SPATC1: variants seen among roughly 807,000 people sequenced by gnomAD.
The protein encoded by SPATC1 is spermatogenesis and centriole associated 1.
A neutral mutation model predicts 36.5 loss-of-function variants in SPATC1; 35 were observed. The observed-to-expected ratio is 0.96, with a 90% CI of 0.73 to 1.27. SPATC1 has a LOEUF of 1.27. Ranked by LOEUF, SPATC1 falls within the 50% of genes most tolerant of loss-of-function variation. SPATC1 has a pLI of 0.00. For missense variants in SPATC1, 779 were observed against 796.0 expected, an observed-to-expected ratio of 0.98 and a Z score of 0.26; for synonymous variants, 361 against 353.6, an observed-to-expected ratio of 1.02 and a Z score of -0.24.
rs1271171635 is a variant in SPATC1, at chr8:144,012,880, C to T, written c.211+154C>T. 3.7e-6 allele frequency: 3 copies of T among 806,310 alleles called. No homozygotes were observed. The East Asian group carries it at 8.0e-5, about 22-fold the overall frequency. The allele number at this position is 806,310 out of a possible 1,614,324, so 49.9% of individuals were successfully genotyped here. On this transcript the variant is annotated intron_variant, in intron 1 of 4. Coordinates refer to ENST00000377470, the MANE Select transcript of SPATC1 (RefSeq NM_198572.3). ...CACACTCAGCTCACCAGACAATGTGCTTCCTGTCCTGGAGGAGGCTGCATT... is the reference window on the plus strand; with the variant it reads ...CACACTCAGCTCACCAGACAATGTGTTTCCTGTCCTGGAGGAGGCTGCATT...
chr8:144,036,826 G>A (rs1004123142), intron 1 of SPATC1, among the ~76,000 whole-genome samples: 3 of 151,876 alleles, frequency 2.0e-5, no homozygotes, highest in Non-Finnish European at 4.4e-5. Flanking sequence ...TTGTCATCAG[G>A]GAACACGGGA....
At chr8:144,012,877 G>A (rs2133090795) in intron 1 of SPATC1, 151 bp downstream of exon 1, 2 of 816,370 alleles carry the variant, frequency 2.4e-6, no homozygotes, top group East Asian at 2.7e-5. Context: ...ACCAGACAAT[G>A]TGCTTCCTGT....
rs782224940 is a variant in SPATC1 at position 144,039,924 on chromosome 8, C to T, written c.227C>T (p.Pro76Leu). 8 of 1,613,380 alleles carry T rather than the reference C, an allele frequency of 5.0e-6. No individual in the cohort carries two copies. The highest frequency in any genetic ancestry group is 2.2e-5 in the East Asian group (1 of 44,878). ...SRQNNGVFLPPSPAVANERVL... is the reference protein window; with the variant it reads ...SRQNNGVFLPLSPAVANERVL... ...GTGTTCCCAGGTGTCTTCCTGCCCC[C>T]GTCCCCAGCAGTGGCAAACGAACGA... The change falls in exon 2 of 5, where the codon CCG becomes CTG. Residue 76 changes from proline to leucine, a missense_variant. Pro to Leu is a moderately conservative substitution (Grantham distance 98). Transcript: ENST00000377470.
intron 4 of SPATC1, among the ~76,000 whole-genome samples, chr8:144,044,305 T>C (rs1274361487): frequency 6.1e-5 from 2 of 32,798 alleles, no homozygotes; most frequent in Non-Finnish European, 9.7e-5. Context: ...CTTGAAGGAA[T>C]TTTTTTTTTT....
Position 144,040,452 on chromosome 8 carries a change from C to A in SPATC1, c.755C>A (p.Ala252Asp), listed in dbSNP as rs1554755669. ...PQSPACVVPT[A>D]TTKVPLSTEP... ...TCCCCAGCTTGCGTGGTACCCACTG[C>A]CACCACCAAAGGTAACAGGTGTGGT... The change falls in exon 2 of 5, where the codon GCC becomes GAC. Residue 252 changes from alanine (A) to aspartate (D), a missense_variant. Coordinates refer to ENST00000377470, the MANE Select transcript of SPATC1 (RefSeq NM_198572.3). 6.9e-6 allele frequency: 11 copies of A among 1,598,022 alleles called. No homozygotes were observed. The highest frequency in any genetic ancestry group is 9.4e-6 in the Non-Finnish European group (11 of 1,172,488).
chr8:144,026,910 T>C (rs1834690634), intron 1 of SPATC1, among the ~76,000 whole-genome samples: 1 of 150,516 alleles, frequency 6.6e-6, no homozygotes, highest in Non-Finnish European at 1.5e-5. Context: ...CCTAGGTTCA[T>C]GCCATTCTCC....
Position 144,035,784 on chromosome 8 carries a change from C to T in SPATC1, c.212-4125C>T, listed in dbSNP as rs974764744. Among the ~76,000 whole-genome samples the T allele has an allele frequency of 7.2e-5, 11 of 152,348 alleles. 1 individual carries two copies. The South Asian group carries it at 2.1e-3, about 29-fold the overall frequency. On this transcript the variant is annotated intron_variant, in intron 1 of 4. Coordinates refer to ENST00000377470, the MANE Select transcript of SPATC1 (RefSeq NM_198572.3). ...TGGCTGCTTCAAACATTAGGACCAC[C>T]GGCGCTCCTTAGGCTGCCCTGGCTG...
At chr8:144,031,447 T>C (rs1303037065) in intron 1 of SPATC1, among the ~76,000 whole-genome samples, 4 of 50,480 alleles carry the variant, frequency 7.9e-5, no homozygotes, top group Non-Finnish European at 1.2e-4. Flanking sequence ...AAGATTTTTT[T>C]TTCTTTTTTT....
chr8:144,031,866 G>A (rs1834804324), intron 1 of SPATC1, among the ~76,000 whole-genome samples: 1 of 151,418 alleles, frequency 6.6e-6, no homozygotes. Flanking sequence ...CCACAGGCAT[G>A]TGCCATCACA....
chr8:144,041,427 T>C, intron 4 of SPATC1, 56 bp downstream of exon 4: 1 of 1,584,430 alleles, frequency 6.3e-7, no homozygotes, highest in Non-Finnish European at 8.5e-7. Flanking sequence ...TGAGGGGCCG[T>C]GGGGACCCTG....
At chr8:144,022,723 A>ATCTCTCCCCTC (rs1348424322) in intron 1 of SPATC1, among the ~76,000 whole-genome samples, 1 of 130,760 alleles carries the variant, frequency 7.6e-6, no homozygotes, top group Non-Finnish European at 1.7e-5. Flanking sequence ...TCCCTGAGGA[A>ATCTCTCCCCTC]ACTCTCCCCT....
At chr8:144,042,338 A>C (rs1554756247) in intron 4 of SPATC1, among the ~76,000 whole-genome samples, 1 of 23,972 alleles carries the variant, frequency 4.2e-5, no homozygotes, top group South Asian at 1.6e-3. Context: ...TTTTTTTTTG[A>C]GTTGGTGTTT....
At chr8:144,026,656 G>A (rs963418345) in intron 1 of SPATC1, among the ~76,000 whole-genome samples, 2 of 152,164 alleles carry the variant, frequency 1.3e-5, no homozygotes, top group African/African-American at 4.8e-5. Flanking sequence ...TAGTGGGTGT[G>A]AAGTGATATT....
intron 1 of SPATC1, among the ~76,000 whole-genome samples, chr8:144,039,075 TC>T (rs1834989944): frequency 6.6e-6 from 1 of 152,214 alleles, no homozygotes; most frequent in South Asian, 2.1e-4. Context: ...GTATTTCCAT[TC>T]TTTCTCTATA....
chr8:144,021,315 A>G (rs1424148687), intron 1 of SPATC1, among the ~76,000 whole-genome samples: 634 of 4,108 alleles, frequency 0.15, 230 homozygotes, highest in Non-Finnish European at 0.19. Flanking sequence ...TTCCCTCATG[A>G]CCCTCTGCCC....
At position 144,012,536 on chromosome 8, in the gene SPATC1, T is replaced by C. The variant is rs1554752598; in HGVS notation, c.21T>C (p.Tyr7=). MSLLTN[Y]EGLRHQIERL... ...AGGGCATGTCTCTACTCACCAATTATGAAGGGCTTCGGCATCAGATAGAGA... is the reference window on the plus strand; with the variant it reads ...AGGGCATGTCTCTACTCACCAATTACGAAGGGCTTCGGCATCAGATAGAGA... Residue 7 remains tyrosine, a synonymous_variant, in exon 1 of 5, where the codon TAT becomes TAC. Transcript: ENST00000377470. The C allele has an allele frequency of 6.4e-7, 1 of 1,551,774 alleles. No homozygotes were observed. Among genetic ancestry groups the C allele is most frequent in the Non-Finnish European group, 8.7e-7 (1 of 1,146,992 alleles).
intron 1 of SPATC1, among the ~76,000 whole-genome samples, chr8:144,034,950 C>A (rs2133132355): frequency 6.6e-6 from 1 of 152,282 alleles, no homozygotes; most frequent in East Asian, 1.9e-4. Flanking sequence ...CATTCCTACA[C>A]TTGATGTAAC....
chr8:144,031,450 C>CTTTTTTTTTTT (rs1176896425), intron 1 of SPATC1, among the ~76,000 whole-genome samples: 2 of 116,688 alleles, frequency 1.7e-5, no homozygotes, highest in Non-Finnish European at 3.4e-5. Flanking sequence ...ATTTTTTTTT[C>CTTTTTTTTTTT]TTTTTTTTTT....
intron 1 of SPATC1, among the ~76,000 whole-genome samples, chr8:144,021,257 T>TC (rs1834524665): frequency 2.0e-5 from 1 of 48,804 alleles, no homozygotes; most frequent in African/African-American, 7.9e-5. Flanking sequence ...CAGGACTCTC[T>TC]TCCTTCAGGA....
Sources: allele counts gnomAD v4.1 joint callset (sites outside exome capture counted in the v4.1 genomes callset), GRCh38; gene constraint gnomAD v4.1.1; transcripts MANE v1.5; gene names NCBI Gene and HGNC (gene_info 2026-07-23, HGNC 2026-07-21).